OSBPL6: variants seen among roughly 807,000 people sequenced by gnomAD.
OSBPL6 encodes oxysterol-binding protein-related protein 6.
OSBPL6 carries 49 observed loss-of-function variants against 125.8 expected under a neutral mutation model. The ratio of observed to expected loss-of-function variants is 0.39; its 90% CI spans 0.31 to 0.49. The LOEUF (loss-of-function observed/expected upper bound fraction) is 0.49. OSBPL6 is among the 20% of genes least tolerant of loss of function. OSBPL6 has a pLI of 0.88. For missense variants in OSBPL6, 986 were observed against 1,135.4 expected (o/e 0.87, Z 1.89); for synonymous variants, 394 against 391.8 (o/e 1.01, Z -0.07).
At chr2:178,250,858 C>T (rs2091667872) in intron 1 of OSBPL6, among the ~76,000 whole-genome samples, 2 of 152,128 alleles carry the variant, frequency 1.3e-5, no homozygotes, top group South Asian at 4.2e-4. Context: ...TGATCTCATA[C>T]CTCCCCACCA....
At chr2:178,329,274 G>T (rs1688976089) in intron 5 of OSBPL6, among the ~76,000 whole-genome samples, 2 of 152,052 alleles carry the variant, frequency 1.3e-5, no homozygotes, top group South Asian at 4.1e-4. Flanking sequence ...CAACATCCTT[G>T]TCCTATCTCT....
At position 178,306,197 on chromosome 2, in the gene OSBPL6, G is replaced by A; in HGVS notation, c.13G>A (p.Glu5Lys). The change falls in exon 3 of 25, where the codon GAG becomes AAG. Residue 5 changes from glutamate to lysine, a missense_variant. Glu to Lys is a moderately conservative substitution (Grantham distance 56, BLOSUM62 1). Coordinates refer to ENST00000190611, the MANE Select transcript of OSBPL6 (RefSeq NM_032523.4). ...TCTAACTGCAGCGATGAGTTCAGAT[G>A]AGAAGGGCATTTCCCCTGCTCATAA... is the stretch of plus-strand genomic sequence containing the variant. MSSD[E>K]KGISPAHKTS... 2 of 1,612,530 alleles carry A rather than the reference G, an allele frequency of 1.2e-6. No individual in the cohort carries two copies. Among genetic ancestry groups the A allele is most frequent in the Non-Finnish European group, 1.7e-6 (2 of 1,178,656 alleles).
rs369997188 is a variant in OSBPL6, at chr2:178,361,901, A to C, written c.1287+86A>C. 2.1e-5 allele frequency: 32 copies of C among 1,536,874 alleles called. 1 individual carries two copies. In the African/African-American group the frequency reaches 3.0e-4, roughly 14 times the overall value. On this transcript the variant is annotated intron_variant, in intron 13 of 24. Transcript: ENST00000190611. ...ATCAAAAGATGGGGGGCTGGCAGGG[A>C]GGTGGCTAGTCATGGGGATAGTACA...
Position 178,328,382 on chromosome 2 carries a change from A to G in OSBPL6, c.318+4A>G. ...GCCTTTAAAAGGCTGGCACAAGGTAACATTTTTATCATATTCAGGTTCAGA... is the reference window on the plus strand; with the variant it reads ...GCCTTTAAAAGGCTGGCACAAGGTAGCATTTTTATCATATTCAGGTTCAGA... On this transcript the variant is annotated splice_donor_region_variant and intron_variant, in intron 5 of 24. Coordinates refer to ENST00000190611, the MANE Select transcript of OSBPL6 (RefSeq NM_032523.4). 1 of 1,611,954 alleles carries G rather than the reference A, an allele frequency of 6.2e-7. No individual in the cohort carries two copies. Among genetic ancestry groups the G allele is most frequent in the Non-Finnish European group, 8.5e-7 (1 of 1,179,382 alleles).
At chr2:178,300,104 T>C (rs1315191461) in intron 2 of OSBPL6, among the ~76,000 whole-genome samples, 3 of 152,246 alleles carry the variant, frequency 2.0e-5, no homozygotes, top group Non-Finnish European at 4.4e-5. Context: ...ATGAAAGCTA[T>C]ATATCTCAAA....
chr2:178,353,274 A>G (rs1457155133), intron 12 of OSBPL6, among the ~76,000 whole-genome samples: 2 of 152,222 alleles, frequency 1.3e-5, no homozygotes, highest in African/African-American at 2.4e-5. Context: ...TAGGCTTCAG[A>G]AGGTCAGTAA....
At chr2:178,323,440 G>A (rs1002884907) in intron 3 of OSBPL6, 1 of 152,078 alleles carries the variant, frequency 6.6e-6, no homozygotes, top group East Asian at 1.9e-4. Flanking sequence ...AGAGACTGAA[G>A]GGTGTGAAGG....
chr2:178,243,883 T>C (rs550531636), intron 1 of OSBPL6, among the ~76,000 whole-genome samples: 56 of 152,238 alleles, frequency 3.7e-4, no homozygotes, highest in African/African-American at 1.3e-3. Context: ...GAACTCCTGA[T>C]CTCGTGATCC....
At chr2:178,226,615 G>A (rs1428564297) in intron 1 of OSBPL6, among the ~76,000 whole-genome samples, 1 of 152,192 alleles carries the variant, frequency 6.6e-6, no homozygotes, top group Admixed American at 6.5e-5. Flanking sequence ...GTGTATGTCG[G>A]ATTTGTAGGA....
In OSBPL6 at chr2:178,386,748, CA is replaced by C. The variant is rs1559325450; in HGVS notation, c.2078-312del. On this transcript the variant is annotated intron_variant, in intron 19 of 24. Transcript: ENST00000190611. ...AGACACACACACACACACACACACA[CA>C]CCGCACACACACTGTTCCAGGCTTC... 3.9e-5 allele frequency among the ~76,000 whole-genome samples: 6 copies of C among 151,902 alleles called. No homozygotes were observed. The East Asian group carries it at 5.8e-4, about 15-fold the overall frequency.
At chr2:178,377,881 T>G (rs1373879289) in intron 15 of OSBPL6, among the ~76,000 whole-genome samples, 1 of 152,186 alleles carries the variant, frequency 6.6e-6, no homozygotes, top group Admixed American at 6.5e-5. Flanking sequence ...CAGGCTGGAG[T>G]GCAGTGGTGC....
At chr2:178,370,476 A>T (rs1336011289) in intron 13 of OSBPL6, among the ~76,000 whole-genome samples, 1 of 152,164 alleles carries the variant, frequency 6.6e-6, no homozygotes, top group Non-Finnish European at 1.5e-5. Context: ...GGCCTATGGT[A>T]CTCACAATAG....
chr2:178,323,058 G>C (rs1018030492), intron 3 of OSBPL6, among the ~76,000 whole-genome samples: 1 of 152,062 alleles, frequency 6.6e-6, no homozygotes, highest in South Asian at 2.1e-4. Flanking sequence ...AGATAGTGAA[G>C]TATTCTTAAT....
intron 2 of OSBPL6, among the ~76,000 whole-genome samples, chr2:178,304,868 T>A (rs1395192141): frequency 6.6e-6 from 1 of 152,198 alleles, no homozygotes; most frequent in Non-Finnish European, 1.5e-5. Flanking sequence ...CCCTGGTACT[T>A]AGTAAACCGC....
At chr2:178,268,580 C>T (rs1012993725) in intron 1 of OSBPL6, among the ~76,000 whole-genome samples, 3 of 152,146 alleles carry the variant, frequency 2.0e-5, no homozygotes, top group Non-Finnish European at 2.9e-5. Flanking sequence ...ATTGCTGTCA[C>T]CACACATTAG....
intron 1 of OSBPL6, among the ~76,000 whole-genome samples, chr2:178,244,458 C>T (rs1418971287): frequency 6.6e-6 from 1 of 152,136 alleles, no homozygotes; most frequent in African/African-American, 2.4e-5. Context: ...GGTTTAACAC[C>T]ATACCCCCAG....
chr2:178,298,694 G>GTTTTTTTTTTTTTT (rs757606940), intron 2 of OSBPL6, among the ~76,000 whole-genome samples: 1 of 139,428 alleles, frequency 7.2e-6, no homozygotes, highest in African/African-American at 2.6e-5. Flanking sequence ...ATTTTTAGTT[G>GTTTTTTTTTTTTTT]CTTTTTTTTT....
intron 1 of OSBPL6, among the ~76,000 whole-genome samples, chr2:178,204,876 T>C (rs550476840): frequency 2.0e-5 from 3 of 152,298 alleles, no homozygotes; most frequent in African/African-American, 7.2e-5. Context: ...ACTGATTCCT[T>C]TTTGCTACTA....
chr2:178,226,602 T>C (rs1230440075), intron 1 of OSBPL6, among the ~76,000 whole-genome samples: 2 of 152,198 alleles, frequency 1.3e-5, no homozygotes, highest in African/African-American at 4.8e-5. Context: ...GTTTAGAACT[T>C]TGGTGTATGT....
Sources: allele counts gnomAD v4.1 joint callset (sites outside exome capture counted in the v4.1 genomes callset), GRCh38; gene constraint gnomAD v4.1.1; transcripts MANE v1.5; gene names NCBI Gene and HGNC (gene_info 2026-07-23, HGNC 2026-07-21).